PRKCZ: variants seen among roughly 807,000 people sequenced by gnomAD.
PRKCZ encodes protein kinase C zeta.
In PRKCZ, 33 loss-of-function variants were observed where a neutral mutation model predicts 79.5. That is an observed-to-expected ratio of 0.41 (90% CI 0.31 to 0.55). PRKCZ has a LOEUF of 0.55. PRKCZ is among the 20% of genes least tolerant of loss of function. PRKCZ has a pLI of 0.19. For missense variants in PRKCZ, 578 were observed against 813.5 expected, an observed-to-expected ratio of 0.71 and a Z score of 3.52; for synonymous variants, 342 against 320.9, an observed-to-expected ratio of 1.07 and a Z score of -0.70.
intron 3 of PRKCZ, among the ~76,000 whole-genome samples, 198 bp downstream of exon 3, chr1:2,056,771 C>A (rs1322694556): frequency 1.3e-5 from 2 of 150,654 alleles, no homozygotes; most frequent in Admixed American, 1.3e-4. Context: ...CTCTGTTGCC[C>A]AGGCTGGAGT....
chr1:2,056,301 C>T (rs900430936), intron 2 of PRKCZ, among the ~76,000 whole-genome samples, 183 bp from the exon 3 acceptor site: 2 of 152,208 alleles, frequency 1.3e-5, no homozygotes, highest in Admixed American at 6.5e-5. Context: ...GCACCGGGGG[C>T]CAGGTGACTC....
At chr1:2,077,624 T>C (rs1266526943) in intron 4 of PRKCZ, among the ~76,000 whole-genome samples, 1 of 152,220 alleles carries the variant, frequency 6.6e-6, no homozygotes, top group Non-Finnish European at 1.5e-5. Flanking sequence ...TATTGTAAGG[T>C]GTTGATAGTT....
chr1:2,111,312 G>C (rs1669699458), intron 4 of PRKCZ, among the ~76,000 whole-genome samples: 1 of 152,072 alleles, frequency 6.6e-6, no homozygotes, highest in Non-Finnish European at 1.5e-5. Flanking sequence ...AAGGTCTGGG[G>C]CACAGCCAGG....
chr1:2,073,861 G>A, intron 4 of PRKCZ: 1 of 1,068,630 alleles, frequency 9.4e-7, no homozygotes, highest in Non-Finnish European at 1.1e-6. Context: ...GAAGGAAGAT[G>A]CCTCCCTGCA....
In PRKCZ at chr1:2,082,127, T is replaced by C. The variant is rs1663649903; in HGVS notation, c.334+22536T>C. 1 of 323,268 alleles carries C rather than the reference T, an allele frequency of 3.1e-6. No homozygotes were observed. Among genetic ancestry groups the C allele is most frequent in the Non-Finnish European group, 6.0e-6 (1 of 165,816 alleles). The allele number at this position is 323,268 out of a possible 1,614,324, so 20.0% of individuals were successfully genotyped here. On this transcript the variant is annotated intron_variant, in intron 4 of 17. Coordinates refer to ENST00000378567, the MANE Select transcript of PRKCZ (RefSeq NM_002744.6). The surrounding 1 kb of genome is among the most constrained non-coding windows in gnomAD (Gnocchi z 4.4). ...GCCTAAGTGTCTTTCCACACGGCCA[T>C]CCGAGGGCGGACGTGGTCAGGGGTG...
At chr1:2,070,374 G>A (rs2102298257) in intron 4 of PRKCZ, among the ~76,000 whole-genome samples, 1 of 152,304 alleles carries the variant, frequency 6.6e-6, no homozygotes, top group East Asian at 1.9e-4. Flanking sequence ...CAGGCCCCAG[G>A]CAGCTGGGAC....
rs931819310 is a variant in PRKCZ, at chr1:2,094,172, C to T, written c.334+34581C>T. ...CTCCGTCGCCATCCCTCCCCCGTCC[C>T]GGGAGCAGCCCCCCCACTTCCACCT... On this transcript the variant is annotated intron_variant, in intron 4 of 17. Transcript: ENST00000378567. The surrounding 1 kb of genome is among the most constrained non-coding windows in gnomAD (Gnocchi z 7.3). 5.9e-5 allele frequency among the ~76,000 whole-genome samples: 9 copies of T among 152,110 alleles called. No homozygotes were observed. Among genetic ancestry groups the T allele is most frequent in the Non-Finnish European group, 1.3e-4 (9 of 68,022 alleles).
intron 4 of PRKCZ, among the ~76,000 whole-genome samples, chr1:2,121,632 A>G (rs867647433): frequency 0.073 from 1,620 of 22,072 alleles, 468 homozygotes; most frequent in East Asian, 0.28. Flanking sequence ...GGTTAGGGTC[A>G]CAGTGGTAGT....
intron 4 of PRKCZ, among the ~76,000 whole-genome samples, chr1:2,083,315 C>T (rs1663918150): frequency 1.3e-5 from 2 of 151,664 alleles, no homozygotes; most frequent in Admixed American, 1.3e-4. Context: ...CCGGGCTCAG[C>T]CAGTGGTCTC....
chr1:2,169,191 A>G, intron 10 of PRKCZ: 1 of 470,056 alleles, frequency 2.1e-6, no homozygotes, highest in South Asian at 1.5e-5. Flanking sequence ...GCCCTGGTCC[A>G]AGCCACCTCC....
chr1:2,078,112 C>T (rs72636371), intron 4 of PRKCZ, among the ~76,000 whole-genome samples: 5,109 of 152,354 alleles, frequency 0.034, 134 homozygotes, highest in Non-Finnish European at 0.054. Flanking sequence ...GCACCTGGCC[C>T]CCCACACAAC....
chr1:2,185,081 T>G lies in PRKCZ; in HGVS notation c.*72T>G. On this transcript the variant is annotated 3_prime_UTR_variant, in exon 18 of 18. Transcript: ENST00000378567. Reference sequence around the variant, plus strand: ...TGTATCCTTAACCACCGCATATGCATGCCAGGCTGGGCACGGCTCCGAGGG... The same window carrying G: ...TGTATCCTTAACCACCGCATATGCAGGCCAGGCTGGGCACGGCTCCGAGGG... 1.4e-6 allele frequency: 2 copies of G among 1,387,002 alleles called. No homozygotes were observed. The highest frequency in any genetic ancestry group is 2.0e-6 in the Non-Finnish European group (2 of 997,810). The allele number at this position is 1,387,002 out of a possible 1,614,324, so 85.9% of individuals were successfully genotyped here.
intron 4 of PRKCZ, among the ~76,000 whole-genome samples, chr1:2,112,951 C>G (rs1259020431): frequency 6.6e-6 from 1 of 152,228 alleles, no homozygotes; most frequent in Non-Finnish European, 1.5e-5. Context: ...CTTGGCCTCC[C>G]AAAGTGCTGG....
rs138247520 is a variant in PRKCZ at position 2,100,951 on chromosome 1, A to G, written c.335-34311A>G. ...CTCCTTCAGGCTGGGGCTCCTGGCC[A>G]GTTCATCTTTCGTCCTGTGTCTGAC... On this transcript the variant is annotated intron_variant, in intron 4 of 17. Transcript: ENST00000378567. 6.6e-5 allele frequency among the ~76,000 whole-genome samples: 10 copies of G among 151,352 alleles called. No homozygotes were observed. The East Asian group carries it at 1.9e-3, about 29-fold the overall frequency.
chr1:2,177,458 C>T lies in PRKCZ; in HGVS notation c.1575+2145C>T, dbSNP rs1451793664. ...TCCTGGGTGCAGCCTTGGTGCCAGC[C>T]GGGCCCCTGATCTTGTCTCTCAACC... On this transcript the variant is annotated intron_variant, in intron 16 of 17. Transcript: ENST00000378567. This position sits in a 1 kb window ranked among gnomAD's most constrained non-coding sequence, Gnocchi z 6.4. 1.3e-5 allele frequency among the ~76,000 whole-genome samples: 2 copies of T among 152,188 alleles called. No individual in the cohort carries two copies. Among genetic ancestry groups the T allele is most frequent in the African/African-American group, 4.8e-5 (2 of 41,448 alleles).
chr1:2,126,149 C>A (rs530234291), intron 4 of PRKCZ, among the ~76,000 whole-genome samples: 1 of 152,218 alleles, frequency 6.6e-6, no homozygotes, highest in Non-Finnish European at 1.5e-5. Context: ...CTCCTCCCCC[C>A]GCCTGCACCA....
chr1:2,062,963 G>A (rs1424877910), intron 4 of PRKCZ, among the ~76,000 whole-genome samples: 3 of 149,298 alleles, frequency 2.0e-5, no homozygotes, highest in African/African-American at 7.3e-5. Context: ...TCACCCACCC[G>A]CCGCTTTCTG....
intron 4 of PRKCZ, among the ~76,000 whole-genome samples, chr1:2,078,481 A>C (rs879903302): frequency 3.9e-5 from 6 of 152,058 alleles, no homozygotes; most frequent in Non-Finnish European, 8.8e-5. Context: ...AGTCTTGTAG[A>C]ATCTTTTGTC....
rs1683840998 is a variant in PRKCZ, at chr1:2,168,811, C to T, written c.975-707C>T. ...GAGGAGCCGCTGACCTAAAAAAACC[C>T]GCCACAGGGTATTTCTGGGAGATTG... On this transcript the variant is annotated intron_variant, in intron 10 of 17. Transcript: ENST00000378567. The surrounding 1 kb of genome is among the most constrained non-coding windows in gnomAD (Gnocchi z 4.7). 3.1e-5 allele frequency: 6 copies of T among 194,950 alleles called. No individual in the cohort carries two copies. The highest frequency in any genetic ancestry group is 3.3e-5 in the Non-Finnish European group (3 of 92,018). The allele number at this position is 194,950 out of a possible 1,614,324, so 12.1% of individuals were successfully genotyped here.
Sources: allele counts gnomAD v4.1 joint callset (sites outside exome capture counted in the v4.1 genomes callset), GRCh38; gene constraint gnomAD v4.1.1; non-coding constraint Gnocchi (gnomAD v3.1); transcripts MANE v1.5; gene names NCBI Gene and HGNC (gene_info 2026-07-23, HGNC 2026-07-21).